SGCD: variants seen among roughly 807,000 people sequenced by gnomAD.
SGCD encodes delta-sarcoglycan.
Under a neutral mutation model 36.6 loss-of-function variants are expected in SGCD, and 18 were observed. The ratio of observed to expected loss-of-function variants is 0.49; its 90% confidence interval spans 0.34 to 0.73. The LOEUF is 0.73. Ranked by LOEUF, SGCD falls within the 30% of genes least tolerant of loss-of-function variation. The probability of loss-of-function intolerance (pLI) is 0.01; values close to 1 mark genes in which losing one functional copy is unlikely to be tolerated. For synonymous variants in SGCD, 133 were observed against 130.6 expected (o/e 1.02, Z -0.12); for missense variants, 387 against 346.7 (o/e 1.12, Z -0.92).
chr5:156,083,527 T>A (rs1761017221), intron 1 of SGCD, among the ~76,000 whole-genome samples: 1 of 151,742 alleles, frequency 6.6e-6, no homozygotes, highest in Non-Finnish European at 1.5e-5. Context: ...ACTCCTGACC[T>A]CAGGTGATCT....
chr5:156,164,742 A>G (rs1763172481), intron 3 of SGCD, among the ~76,000 whole-genome samples: 1 of 152,178 alleles, frequency 6.6e-6, no homozygotes. Context: ...AAATCAAAAC[A>G]CTGGCATATA....
the SGCD span, among the ~76,000 whole-genome samples, chr5:155,764,871 T>C: frequency 6.6e-6 from 1 of 152,100 alleles, no homozygotes; most frequent in Non-Finnish European, 1.5e-5. Context: ...GCAAAAACAA[T>C]AAATACCTAG....
intron 7 of SGCD, among the ~76,000 whole-genome samples, chr5:156,703,424 G>T (rs1237089573): frequency 6.8e-6 from 1 of 147,786 alleles, no homozygotes; most frequent in Admixed American, 6.8e-5. Context: ...CCCTCTGCCT[G>T]GAATTTCCTT....
chr5:156,292,455 T>G (rs1766782701), intron 3 of SGCD, among the ~76,000 whole-genome samples: 1 of 152,182 alleles, frequency 6.6e-6, no homozygotes, highest in African/African-American at 2.4e-5. Flanking sequence ...TTCCTTCCTT[T>G]GAAAGCTGAA....
chr5:156,057,138 A>G (rs1760084533), intron 1 of SGCD, among the ~76,000 whole-genome samples: 1 of 146,772 alleles, frequency 6.8e-6, no homozygotes, highest in Non-Finnish European at 1.5e-5. Context: ...AGTTAATGAC[A>G]TAGGAAAATA....
intron 3 of SGCD, among the ~76,000 whole-genome samples, chr5:156,164,246 T>C (rs1380630029): frequency 6.6e-6 from 1 of 151,494 alleles, no homozygotes; most frequent in Non-Finnish European, 1.5e-5. Flanking sequence ...CTGAGAGTCA[T>C]TTTTGGACTT....
intron 3 of SGCD, among the ~76,000 whole-genome samples, chr5:156,312,628 T>C (rs1767418441): frequency 6.6e-6 from 1 of 152,188 alleles, no homozygotes; most frequent in African/African-American, 2.4e-5. Context: ...ATCCCATCTT[T>C]ATCTCTTACC....
chr5:155,736,268 G>A, the SGCD span, among the ~76,000 whole-genome samples: 2 of 152,084 alleles, frequency 1.3e-5, no homozygotes, highest in African/African-American at 4.8e-5. Context: ...TCTCAACCTC[G>A]CATCTTCCCT....
At chr5:156,012,549 A>G (rs965242095) in intron 1 of SGCD, among the ~76,000 whole-genome samples, 1 of 152,176 alleles carries the variant, frequency 6.6e-6, no homozygotes, top group Non-Finnish European at 1.5e-5. Context: ...GTATTCAGAC[A>G]TATCTATGTC....
chr5:156,410,150 A>G (rs1345676263), intron 3 of SGCD, among the ~76,000 whole-genome samples: 1 of 152,174 alleles, frequency 6.6e-6, no homozygotes, highest in Non-Finnish European at 1.5e-5. Context: ...CTAGGTGCCT[A>G]TCAGTGGATT....
intron 7 of SGCD, among the ~76,000 whole-genome samples, chr5:156,715,088 T>G (rs957365949): frequency 6.6e-6 from 1 of 152,216 alleles, no homozygotes; most frequent in Non-Finnish European, 1.5e-5. Flanking sequence ...ACCTCCAGAG[T>G]AGCGAAGCTT....
chr5:155,753,359 G>A, the SGCD span, among the ~76,000 whole-genome samples: 5 of 151,042 alleles, frequency 3.3e-5, no homozygotes, highest in Non-Finnish European at 5.9e-5. Context: ...GAAAGAAATG[G>A]GTCTCATCTC....
chr5:156,036,232 C>T (rs1759493353), intron 1 of SGCD, among the ~76,000 whole-genome samples: 1 of 152,156 alleles, frequency 6.6e-6, no homozygotes, highest in South Asian at 2.1e-4. Flanking sequence ...GTCATAGAGA[C>T]TTGTACAGCA....
At chr5:155,962,134 A>G (rs1313434406) in intron 1 of SGCD, among the ~76,000 whole-genome samples, 1 of 152,122 alleles carries the variant, frequency 6.6e-6, no homozygotes, top group Non-Finnish European at 1.5e-5. Flanking sequence ...GCATAGTTAC[A>G]TAGCAGTCAG....
intron 3 of SGCD, among the ~76,000 whole-genome samples, chr5:156,137,657 T>C (rs1762490710): frequency 6.6e-6 from 1 of 152,186 alleles, no homozygotes; most frequent in African/African-American, 2.4e-5. Context: ...AGAAATGCTT[T>C]TGTGTTATAT....
intron 3 of SGCD, among the ~76,000 whole-genome samples, chr5:156,235,375 A>G (rs1272077040): frequency 6.6e-6 from 1 of 152,204 alleles, no homozygotes; most frequent in Non-Finnish European, 1.5e-5. Context: ...CAAGGAACAC[A>G]GTTTTCCTTT....
the SGCD span, among the ~76,000 whole-genome samples, chr5:155,850,549 C>A: frequency 1.3e-5 from 2 of 152,054 alleles, no homozygotes; most frequent in Non-Finnish European, 2.9e-5. Flanking sequence ...ACATTGTGGG[C>A]CAACTAAGAA....
intron 3 of SGCD, among the ~76,000 whole-genome samples, chr5:156,288,547 T>C (rs565483480): frequency 2.0e-5 from 3 of 152,154 alleles, no homozygotes; most frequent in Admixed American, 6.6e-5. Context: ...AGGCTTTTTA[T>C]TCCTGAGACT....
At chr5:156,660,443 C>T (rs1231934056) in intron 7 of SGCD, among the ~76,000 whole-genome samples, 1 of 152,300 alleles carries the variant, frequency 6.6e-6, no homozygotes, top group Non-Finnish European at 1.5e-5. Context: ...CATTGTAGAA[C>T]TTCAAATGTC....
Sources: gnomAD v4.1 joint callset for allele counts (sites outside exome capture counted in the v4.1 genomes callset) on GRCh38, gnomAD v4.1.1 for gene constraint, MANE v1.5 for transcripts, NCBI Gene and HGNC (gene_info 2026-07-23, HGNC 2026-07-21) for gene names.